DIAPH3: variants seen among roughly 807,000 people sequenced by gnomAD.
DIAPH3 encodes protein diaphanous homolog 3.
Under a neutral mutation model 144.3 loss-of-function variants are expected in DIAPH3, and 117 were observed. The observed-to-expected ratio is 0.81, with a 90% CI of 0.70 to 0.95. The LOEUF is 0.95. DIAPH3 is among the 40% of genes least tolerant of loss of function. DIAPH3 has a pLI of 0.00. For missense variants in DIAPH3, 1,421 were observed against 1,412.7 expected, an observed-to-expected ratio of 1.01 and a Z score of -0.09; for synonymous variants, 519 against 488.9, an observed-to-expected ratio of 1.06 and a Z score of -0.81.
chr13:59,898,640 T>C (rs2046262712), intron 20 of DIAPH3, among the ~76,000 whole-genome samples: 1 of 152,196 alleles, frequency 6.6e-6, no homozygotes, highest in Non-Finnish European at 1.5e-5. Context: ...GCATTAGGAA[T>C]TCACAAGTGA....
At chr13:59,918,944 CAAAA>C (rs34985752) in intron 18 of DIAPH3, among the ~76,000 whole-genome samples, 1 of 117,496 alleles carries the variant, frequency 8.5e-6, no homozygotes. Context: ...CAAGAAAATA[CAAAA>C]AAAAAAAAAA....
intron 21 of DIAPH3, among the ~76,000 whole-genome samples, chr13:59,863,000 T>A (rs1387264476): frequency 6.6e-6 from 1 of 152,142 alleles, no homozygotes; most frequent in Non-Finnish European, 1.5e-5. Flanking sequence ...AATTAGTTGA[T>A]CAAATTAACA....
At chr13:59,929,309 A>G (rs1010772995) in intron 17 of DIAPH3, among the ~76,000 whole-genome samples, 1 of 152,118 alleles carries the variant, frequency 6.6e-6, no homozygotes, top group Non-Finnish European at 1.5e-5. Context: ...ATTTTTCAAA[A>G]CATTTGATAT....
intron 3 of DIAPH3, among the ~76,000 whole-genome samples, chr13:60,095,427 A>C (rs1251413987): frequency 6.6e-6 from 1 of 151,944 alleles, no homozygotes; most frequent in Non-Finnish European, 1.5e-5. Flanking sequence ...TATGCAAATT[A>C]GGGGGTGGGT....
intron 9 of DIAPH3, among the ~76,000 whole-genome samples, chr13:60,005,254 A>G (rs1056845829): frequency 1.3e-5 from 2 of 152,204 alleles, no homozygotes; most frequent in African/African-American, 4.8e-5. Flanking sequence ...GCCAATCACA[A>G]AGATCCACAT....
intron 9 of DIAPH3, among the ~76,000 whole-genome samples, chr13:60,006,447 C>CA (rs954900325): frequency 3.1e-4 from 47 of 149,998 alleles, no homozygotes; most frequent in Admixed American, 1.7e-3. Context: ...TAGATAGTTG[C>CA]AAAAAAAAAT....
chr13:59,955,575 G>A (rs1255012181), intron 17 of DIAPH3, among the ~76,000 whole-genome samples: 1 of 152,152 alleles, frequency 6.6e-6, no homozygotes, highest in Non-Finnish European at 1.5e-5. Context: ...TGCAGAGTGG[G>A]CGCTGCTGTA....
chr13:59,719,583 G>A lies in DIAPH3; in HGVS notation c.3320-52737C>T, dbSNP rs1311457695. ...CAATGGGTTCTCTCACGCTGCTCAT[G>A]GCCTATCTACTAAAGATATTCCTTC... is the stretch of plus-strand genomic sequence containing the variant. On this transcript the variant is annotated intron_variant, in intron 27 of 27. Coordinates refer to ENST00000400324, the MANE Select transcript of DIAPH3 (RefSeq NM_001042517.2). Among the ~76,000 whole-genome samples the A allele has an allele frequency of 2.6e-5, 4 of 151,964 alleles. No homozygotes were observed. The East Asian group carries it at 5.9e-4, about 22-fold the overall frequency.
intron 17 of DIAPH3, among the ~76,000 whole-genome samples, chr13:59,952,554 T>C (rs2049156837): frequency 6.6e-6 from 1 of 152,156 alleles, no homozygotes; most frequent in Admixed American, 6.6e-5. Context: ...TCCTTCTTAC[T>C]TTTTGCTGCT....
chr13:59,931,295 T>G (rs1452913109), intron 17 of DIAPH3, among the ~76,000 whole-genome samples: 1 of 152,178 alleles, frequency 6.6e-6, no homozygotes, highest in Non-Finnish European at 1.5e-5. Context: ...TTTTTTCACC[T>G]GGACCACAGC....
At chr13:59,793,981 C>A (rs35253212) in intron 25 of DIAPH3, among the ~76,000 whole-genome samples, 2,546 of 152,202 alleles carry the variant, frequency 0.017, 45 homozygotes, top group Admixed American at 0.048. Flanking sequence ...TACAATCAAG[C>A]AAAGCAATAC....
At chr13:59,804,407 C>T (rs756342936) in intron 25 of DIAPH3, among the ~76,000 whole-genome samples, 7 of 152,212 alleles carry the variant, frequency 4.6e-5, no homozygotes, top group Non-Finnish European at 8.8e-5. Context: ...AAAATATGAC[C>T]TCGTGAGAAG....
At chr13:59,768,983 T>C (rs766466602) in intron 27 of DIAPH3, among the ~76,000 whole-genome samples, 5 of 152,176 alleles carry the variant, frequency 3.3e-5, no homozygotes, top group Non-Finnish European at 7.4e-5. Flanking sequence ...GGGGTTTTAA[T>C]TGCATATAGT....
chr13:59,837,051 G>A lies in DIAPH3; in HGVS notation c.2862+2273C>T, dbSNP rs372029892. Among the ~76,000 whole-genome samples, 146 of 152,086 alleles carry A rather than the reference G, an allele frequency of 9.6e-4. 6 individuals carry two copies. In the South Asian group the frequency reaches 0.029, roughly 31 times the overall value. On this transcript the variant is annotated intron_variant, in intron 23 of 27. Transcript: ENST00000400324. Reference sequence around the variant, plus strand: ...AATTTAATTACTTCGAAACTAGTATGTCTAACTAAGATGAAAAGCAAACGA... The same window carrying A: ...AATTTAATTACTTCGAAACTAGTATATCTAACTAAGATGAAAAGCAAACGA...
chr13:59,719,458 G>A (rs1465950872), intron 27 of DIAPH3, among the ~76,000 whole-genome samples: 1 of 152,108 alleles, frequency 6.6e-6, no homozygotes, highest in Non-Finnish European at 1.5e-5. Context: ...TTGGCTCTAA[G>A]CAAAAAGGTG....
chr13:60,023,766 T>C (rs2054186448), intron 5 of DIAPH3, among the ~76,000 whole-genome samples: 1 of 149,270 alleles, frequency 6.7e-6, no homozygotes, highest in Non-Finnish European at 1.5e-5. Flanking sequence ...GATATGTCTG[T>C]GTGTGAATTT....
At chr13:60,081,569 C>CA (rs1290901682) in intron 4 of DIAPH3, among the ~76,000 whole-genome samples, 2 of 151,692 alleles carry the variant, frequency 1.3e-5, no homozygotes, top group East Asian at 1.9e-4. Context: ...TGATCTCCCA[C>CA]AAAAAAAGAC....
At chr13:59,806,678 G>A (rs2040207570) in intron 25 of DIAPH3, among the ~76,000 whole-genome samples, 1 of 151,632 alleles carries the variant, frequency 6.6e-6, no homozygotes, top group South Asian at 2.1e-4. Context: ...CATTACAGCA[G>A]GAACCTTTTT....
intron 20 of DIAPH3, among the ~76,000 whole-genome samples, chr13:59,907,359 A>G (rs1279626233): frequency 2.0e-5 from 3 of 152,216 alleles, no homozygotes; most frequent in African/African-American, 7.2e-5. Flanking sequence ...ATACAGAGAT[A>G]GACCACCTCT....
Sources: gnomAD v4.1 joint callset for allele counts (sites outside exome capture counted in the v4.1 genomes callset) on GRCh38, gnomAD v4.1.1 for gene constraint, MANE v1.5 for transcripts, NCBI Gene and HGNC (gene_info 2026-07-23, HGNC 2026-07-21) for gene names.